MLLT3: variants seen among roughly 807,000 people sequenced by gnomAD.
MLLT3 encodes MLLT3 super elongation complex subunit.
MLLT3 carries 4 observed loss-of-function variants against 53.2 expected under a neutral mutation model. The ratio of observed to expected loss-of-function variants is 0.08; its 90% CI spans 0.04 to 0.17. The LOEUF is 0.17. Among genes scored for constraint, MLLT3 ranks in the 10% least tolerant of loss-of-function variants. The pLI is 1.00. For synonymous variants in MLLT3, 283 were observed against 230.6 expected (o/e 1.23, Z -2.06); for missense variants, 569 against 684.0 (o/e 0.83, Z 1.87).
chr9:20,430,387 G>C (rs1421856145), intron 4 of MLLT3, among the ~76,000 whole-genome samples: 1 of 152,070 alleles, frequency 6.6e-6, no homozygotes, highest in African/African-American at 2.4e-5. Flanking sequence ...TGAAATGATA[G>C]TAATTACAAC....
At chr9:20,602,746 T>C (rs924638661) in intron 2 of MLLT3, among the ~76,000 whole-genome samples, 11 of 142,198 alleles carry the variant, frequency 7.7e-5, no homozygotes, top group African/African-American at 2.9e-4. Flanking sequence ...TGTAACAATG[T>C]TTTATTAAGT....
intron 4 of MLLT3, among the ~76,000 whole-genome samples, chr9:20,443,884 G>A (rs1586953151): frequency 6.6e-6 from 1 of 152,158 alleles, no homozygotes; most frequent in Non-Finnish European, 1.5e-5. Context: ...GTTTTTCCCA[G>A]GGTTACCCAG....
intron 2 of MLLT3, among the ~76,000 whole-genome samples, chr9:20,602,910 A>G (rs1820466678): frequency 6.6e-6 from 1 of 152,050 alleles, no homozygotes; most frequent in African/African-American, 2.4e-5. Context: ...TTAACCCAGT[A>G]TTTTTGGCAG....
chr9:20,551,982 C>T (rs1056321291), intron 2 of MLLT3, among the ~76,000 whole-genome samples: 1 of 152,176 alleles, frequency 6.6e-6, no homozygotes, highest in African/African-American at 2.4e-5. Context: ...ATTACACTTG[C>T]TTCCCTCTCT....
chr9:20,610,562 T>C (rs187177135), intron 2 of MLLT3, among the ~76,000 whole-genome samples: 2 of 152,252 alleles, frequency 1.3e-5, no homozygotes, highest in East Asian at 3.9e-4. Context: ...AAAACCCTTT[T>C]TCTGACTTGC....
intron 5 of MLLT3, among the ~76,000 whole-genome samples, chr9:20,366,807 C>A (rs530189083): frequency 3.9e-5 from 6 of 152,264 alleles, no homozygotes; most frequent in African/African-American, 1.4e-4. Context: ...ATGCGGCCAA[C>A]AAACATATGA....
At chr9:20,471,457 A>G (rs1037293188) in intron 2 of MLLT3, among the ~76,000 whole-genome samples, 97 of 152,154 alleles carry the variant, frequency 6.4e-4, no homozygotes, top group African/African-American at 2.3e-3. Flanking sequence ...AAATCACACA[A>G]GAAACAAGTT....
intron 2 of MLLT3, among the ~76,000 whole-genome samples, chr9:20,606,415 C>T (rs777341553): frequency 1.3e-5 from 2 of 152,014 alleles, no homozygotes; most frequent in South Asian, 2.1e-4. Flanking sequence ...CTGCCGTACC[C>T]CCTTCACCCA....
intron 4 of MLLT3, among the ~76,000 whole-genome samples, chr9:20,443,116 G>C (rs1334588569): frequency 6.6e-6 from 1 of 151,794 alleles, no homozygotes; most frequent in East Asian, 1.9e-4. Context: ...GAAGGAGGGA[G>C]GGAGAGAAGG....
chr9:20,448,198 A>G lies in MLLT3; in HGVS notation c.345T>C (p.Asn115=). 2.5e-6 allele frequency: 4 copies of G among 1,613,694 alleles called. No homozygotes were observed. Among genetic ancestry groups the G allele is most frequent in the Non-Finnish European group, 2.5e-6 (3 of 1,179,760 alleles). ...FLHLEGHPPV[N]HLRCEKLTFN... ...AAGTTAGCTTTTCACAGCGGAGGTGATTCACTGGTGGATGGCCTTCAAGAT... is the reference window on the plus strand; with the variant it reads ...AAGTTAGCTTTTCACAGCGGAGGTGGTTCACTGGTGGATGGCCTTCAAGAT... The change falls in exon 4 of 11, where the codon AAT becomes AAC. Residue 115 remains asparagine, a synonymous_variant. Transcript: ENST00000380338. This position sits in a 1 kb window ranked among gnomAD's most constrained non-coding sequence, Gnocchi z 4.0.
chr9:20,572,379 T>C (rs544590694), intron 2 of MLLT3, among the ~76,000 whole-genome samples: 5 of 152,334 alleles, frequency 3.3e-5, no homozygotes, highest in African/African-American at 1.2e-4. Context: ...CATCTCAAAA[T>C]GGTATGTGAG....
chr9:20,471,683 C>G (rs1009374093), intron 2 of MLLT3, among the ~76,000 whole-genome samples: 1 of 152,020 alleles, frequency 6.6e-6, no homozygotes, highest in Non-Finnish European at 1.5e-5. Flanking sequence ...GCCAAACATT[C>G]GTCTTAAAAC....
intron 5 of MLLT3, among the ~76,000 whole-genome samples, chr9:20,406,179 G>T (rs1164934727): frequency 6.6e-6 from 1 of 152,120 alleles, no homozygotes; most frequent in African/African-American, 2.4e-5. Flanking sequence ...GGAGGCTGAG[G>T]CAGGAGGATC....
intron 2 of MLLT3, among the ~76,000 whole-genome samples, chr9:20,460,416 T>C (rs1586965364): frequency 6.6e-6 from 1 of 152,228 alleles, no homozygotes; most frequent in African/African-American, 2.4e-5. Context: ...TCATGTTCTA[T>C]TATATGCATA....
intron 2 of MLLT3, among the ~76,000 whole-genome samples, chr9:20,517,661 A>G (rs909511767): frequency 6.6e-6 from 1 of 151,984 alleles, no homozygotes; most frequent in Non-Finnish European, 1.5e-5. Context: ...ACATGGTGAA[A>G]CCTCATCTCT....
chr9:20,342,387 G>A lies in MLLT3; in HGVS notation c.*4056C>T, dbSNP rs980391181. On this transcript the variant is annotated 3_prime_UTR_variant, in exon 11 of 11. Coordinates refer to ENST00000380338, the MANE Select transcript of MLLT3 (RefSeq NM_004529.4). The stretch of plus-strand genomic sequence containing the variant: ...CTACACATACACAGTCCATTAAAAA[G>A]ATACTGACAGATTTATAAAATGTAT... 4.5e-6 allele frequency: 1 copy of A among 223,394 alleles called. No homozygotes were observed. Among genetic ancestry groups the A allele is most frequent in the Admixed American group, 5.7e-5 (1 of 17,438 alleles). The allele number at this position is 223,394 out of a possible 1,614,324, so 13.8% of individuals were successfully genotyped here.
intron 2 of MLLT3, 110 bp from the exon 3 acceptor site, chr9:20,456,896 T>C (rs928976168): frequency 1.2e-4 from 91 of 748,494 alleles, no homozygotes; most frequent in African/African-American, 1.1e-3. Flanking sequence ...GCAATTTTCA[T>C]AGCCCCTTGC....
intron 5 of MLLT3, among the ~76,000 whole-genome samples, chr9:20,374,991 G>T (rs946768891): frequency 1.3e-5 from 2 of 152,192 alleles, no homozygotes; most frequent in African/African-American, 4.8e-5. Flanking sequence ...CAAAGAGCTT[G>T]CTTCTTTTCT....
chr9:20,393,649 C>T (rs1822247016), intron 5 of MLLT3, among the ~76,000 whole-genome samples: 1 of 152,176 alleles, frequency 6.6e-6, no homozygotes, highest in Non-Finnish European at 1.5e-5. Context: ...CTCTTCTTTA[C>T]TCCAACAGCT....
Sources: gnomAD v4.1 joint callset for allele counts (sites outside exome capture counted in the v4.1 genomes callset) on GRCh38, gnomAD v4.1.1 for gene constraint, Gnocchi (gnomAD v3.1) non-coding constraint, MANE v1.5 for transcripts, NCBI Gene and HGNC (gene_info 2026-07-23, HGNC 2026-07-21) for gene names.